Variants in CERS6 observed in about 807,000 individuals in gnomAD.
CERS6 encodes LAG1 homolog, ceramide synthase 6.
Under a neutral mutation model 56.8 loss-of-function variants are expected in CERS6, and 26 were observed. That is an observed-to-expected ratio of 0.46 (90% CI 0.34 to 0.63). The LOEUF is 0.63. Ranked by LOEUF, CERS6 falls within the 30% of genes least tolerant of loss-of-function variation. The pLI is 0.01. For synonymous variants in CERS6, 164 were observed against 173.3 expected (o/e 0.95, Z 0.42); for missense variants, 415 against 467.5 (o/e 0.89, Z 1.04).
intron 1 of CERS6, among the ~76,000 whole-genome samples, chr2:168,510,635 G>A (rs1049752955): frequency 1.1e-4 from 16 of 152,236 alleles, no homozygotes; most frequent in African/African-American, 3.9e-4. Context: ...ATAAGTATTT[G>A]TTTTATAAAA....
chr2:168,699,835 C>A (rs1686761371), intron 6 of CERS6, among the ~76,000 whole-genome samples: 1 of 152,154 alleles, frequency 6.6e-6, no homozygotes, highest in Non-Finnish European at 1.5e-5. Context: ...AAAATTGTAT[C>A]CTTTAGCACC....
At chr2:168,593,190 A>G (rs1038528172) in intron 3 of CERS6, among the ~76,000 whole-genome samples, 2 of 152,178 alleles carry the variant, frequency 1.3e-5, no homozygotes, top group African/African-American at 4.8e-5. Flanking sequence ...CACCCGAAAC[A>G]TCGGGATAAT....
At chr2:168,469,539 CAGAGAT>C in intron 1 of CERS6, among the ~76,000 whole-genome samples, 1 of 152,198 alleles carries the variant, frequency 6.6e-6, no homozygotes, top group East Asian at 1.9e-4. Flanking sequence ...CTTAGTGATT[CAGAGAT>C]CTACAAGTCC....
intron 1 of CERS6, among the ~76,000 whole-genome samples, chr2:168,526,263 A>C (rs879829694): frequency 6.6e-6 from 1 of 152,088 alleles, no homozygotes; most frequent in South Asian, 2.1e-4. Context: ...GTTAGCTTCA[A>C]AGTTTGCTCT....
intron 1 of CERS6, among the ~76,000 whole-genome samples, chr2:168,505,394 AAAAAAAAG>A (rs1170755992): frequency 4.0e-5 from 6 of 150,400 alleles, no homozygotes; most frequent in South Asian, 2.1e-4. Flanking sequence ...AAAAAAAAAA[AAAAAAAAG>A]AAAAAAAAAG....
chr2:168,538,052 T>C (rs1294713329), intron 1 of CERS6, among the ~76,000 whole-genome samples: 1 of 152,082 alleles, frequency 6.6e-6, no homozygotes, highest in African/African-American at 2.4e-5. Flanking sequence ...CACTGCCTCT[T>C]TTGCTGCCAC....
chr2:168,514,404 T>C (rs986065947), intron 1 of CERS6, among the ~76,000 whole-genome samples: 1 of 152,198 alleles, frequency 6.6e-6, no homozygotes, highest in African/African-American at 2.4e-5. Flanking sequence ...TAATAGCCAT[T>C]TATTGATTAC....
chr2:168,534,645 C>T (rs1695226859), intron 1 of CERS6, among the ~76,000 whole-genome samples: 1 of 152,154 alleles, frequency 6.6e-6, no homozygotes, highest in African/African-American at 2.4e-5. Flanking sequence ...AACCTCAAGC[C>T]AGTAGGATCA....
chr2:168,632,260 CTTTA>C (rs1177338686), intron 4 of CERS6, among the ~76,000 whole-genome samples: 1 of 152,220 alleles, frequency 6.6e-6, no homozygotes, highest in Non-Finnish European at 1.5e-5. Context: ...TCAGTGTTAT[CTTTA>C]TTTATTACAG....
chr2:168,473,146 CTTTCA>C (rs1421604019), intron 1 of CERS6, among the ~76,000 whole-genome samples: 1 of 151,798 alleles, frequency 6.6e-6, no homozygotes, highest in Non-Finnish European at 1.5e-5. Context: ...CTTTGTCTGC[CTTTCA>C]TGTCTATCAT....
intron 4 of CERS6, among the ~76,000 whole-genome samples, chr2:168,681,106 A>T (rs1559049946): frequency 6.6e-6 from 1 of 152,232 alleles, no homozygotes; most frequent in Non-Finnish European, 1.5e-5. Flanking sequence ...GTGCAGTAAT[A>T]GCACAAATAG....
At chr2:168,620,192 A>G (rs1256022278) in intron 3 of CERS6, among the ~76,000 whole-genome samples, 1 of 152,018 alleles carries the variant, frequency 6.6e-6, no homozygotes, top group Non-Finnish European at 1.5e-5. Context: ...AAAACCAAAC[A>G]TCGTATGTTC....
At chr2:168,731,289 A>G (rs998116923) in intron 8 of CERS6, among the ~76,000 whole-genome samples, 1 of 152,140 alleles carries the variant, frequency 6.6e-6, no homozygotes, top group Admixed American at 6.6e-5. Context: ...CGTGCTCTGC[A>G]GTCATAACTG....
At chr2:168,523,405 A>C (rs961406188) in intron 1 of CERS6, among the ~76,000 whole-genome samples, 1 of 152,186 alleles carries the variant, frequency 6.6e-6, no homozygotes, top group Non-Finnish European at 1.5e-5. Context: ...AGAGAGTAAG[A>C]ATCTGATTTT....
chr2:168,759,963 C>T (rs544820597), intron 8 of CERS6, among the ~76,000 whole-genome samples: 49 of 150,890 alleles, frequency 3.2e-4, no homozygotes, highest in Middle Eastern at 3.4e-3. Flanking sequence ...ATTTTATTGG[C>T]GTATAATTCC....
chr2:168,685,875 G>A (rs1173232695), intron 4 of CERS6, among the ~76,000 whole-genome samples: 6 of 151,736 alleles, frequency 4.0e-5, no homozygotes, highest in African/African-American at 9.7e-5. Flanking sequence ...GAAAAATCCC[G>A]TTATACATTG....
intron 3 of CERS6, among the ~76,000 whole-genome samples, chr2:168,604,052 T>A (rs1683995006): frequency 6.6e-6 from 1 of 152,210 alleles, no homozygotes; most frequent in South Asian, 2.1e-4. Flanking sequence ...GATATTAAAA[T>A]GAAAACGTGT....
At chr2:168,528,057 A>C (rs751341295) in intron 1 of CERS6, among the ~76,000 whole-genome samples, 11 of 151,942 alleles carry the variant, frequency 7.2e-5, no homozygotes, top group African/African-American at 1.9e-4. Context: ...TAACCCATTC[A>C]TGAAGGTAGT....
At chr2:168,755,618 A>G (rs1684394108) in intron 8 of CERS6, among the ~76,000 whole-genome samples, 1 of 152,178 alleles carries the variant, frequency 6.6e-6, no homozygotes, top group Non-Finnish European at 1.5e-5. Context: ...AGAAAATACA[A>G]ATTGTCCCAG....
Sources: gnomAD v4.1 joint callset for allele counts (sites outside exome capture counted in the v4.1 genomes callset) on GRCh38, gnomAD v4.1.1 for gene constraint, MANE v1.5 for transcripts, NCBI Gene and HGNC (gene_info 2026-07-23, HGNC 2026-07-21) for gene names.